The following GLYR1 variants were observed in gnomAD, a reference collection of about 807,000 sequenced individuals.
The protein encoded by GLYR1 is cytokine-like nuclear factor N-PAC.
Under a neutral mutation model 72.7 loss-of-function variants are expected in GLYR1, and 21 were observed. The observed-to-expected ratio is 0.29, with a 90% CI of 0.20 to 0.42. The LOEUF is 0.42. Among genes scored for constraint, GLYR1 ranks in the 10% least tolerant of loss-of-function variants. The pLI is 1.00. For synonymous variants in GLYR1, 392 were observed against 270.2 expected (o/e 1.45, Z -4.42); for missense variants, 594 against 712.1 (o/e 0.83, Z 1.89).
chr16:4,818,918 G>A (rs2083824991), intron 9 of GLYR1, among the ~76,000 whole-genome samples: 1 of 152,024 alleles, frequency 6.6e-6, no homozygotes, highest in Non-Finnish European at 1.5e-5. Flanking sequence ...TGTGACAGAA[G>A]CACTCATTGG....
chr16:4,821,310 C>A (rs2084009181), intron 9 of GLYR1, 70 bp downstream of exon 9: 1 of 1,514,430 alleles, frequency 6.6e-7, no homozygotes, highest in Non-Finnish European at 9.2e-7. Flanking sequence ...AAAGAACCCC[C>A]CTGGGGTCAC....
chr16:4,833,677 G>C (rs62036116), intron 3 of GLYR1, among the ~76,000 whole-genome samples: 5,585 of 151,936 alleles, frequency 0.037, 145 homozygotes, highest in Middle Eastern at 0.075. Flanking sequence ...AGATGCTTGA[G>C]ATTAAAGGTA....
intron 5 of GLYR1, among the ~76,000 whole-genome samples, chr16:4,831,379 T>C (rs763508204): frequency 3.3e-5 from 5 of 152,134 alleles, no homozygotes; most frequent in Admixed American, 6.5e-5. Flanking sequence ...TCCAAGACGC[T>C]TTAGTACCAC....
chr16:4,805,477 G>C (rs1185125576), intron 15 of GLYR1, among the ~76,000 whole-genome samples, 167 bp from the exon 16 acceptor site: 3 of 152,196 alleles, frequency 2.0e-5, no homozygotes, highest in Non-Finnish European at 2.9e-5. Context: ...CGTTTCTCTG[G>C]ACCTCAGCCA....
At chr16:4,840,699 G>C (rs947153887) in intron 3 of GLYR1, among the ~76,000 whole-genome samples, 1 of 152,178 alleles carries the variant, frequency 6.6e-6, no homozygotes, top group Non-Finnish European at 1.5e-5. Context: ...GAGGTAGGGG[G>C]TATCATCCCC....
chr16:4,831,309 T>G (rs902839129), intron 5 of GLYR1, among the ~76,000 whole-genome samples: 7 of 152,200 alleles, frequency 4.6e-5, no homozygotes, highest in African/African-American at 1.7e-4. Context: ...TGACTACTGG[T>G]GCACACACGG....
intron 3 of GLYR1, among the ~76,000 whole-genome samples, chr16:4,844,133 AAT>A (rs1180905577): frequency 6.6e-6 from 1 of 151,542 alleles, no homozygotes; most frequent in African/African-American, 2.4e-5. Context: ...AAAAAAAAAA[AAT>A]CAAACCATCT....
Position 4,803,634 on chromosome 16 carries a change from C to T in GLYR1, c.*1602G>A, listed in dbSNP as rs529553894. On this transcript the variant is annotated 3_prime_UTR_variant, in exon 16 of 16. Coordinates refer to ENST00000321919, the MANE Select transcript of GLYR1 (RefSeq NM_032569.4). Reference sequence around the variant, plus strand: ...CAGGCTTTGTGTTCAGACAGAAATGCTTCAAAATCCCAGTGAAATGAACTG... The same window carrying T: ...CAGGCTTTGTGTTCAGACAGAAATGTTTCAAAATCCCAGTGAAATGAACTG... 6.7e-6 allele frequency: 1 copy of T among 149,910 alleles called. No individual in the cohort carries two copies. The highest frequency in any genetic ancestry group is 2.1e-4 in the South Asian group (1 of 4,724). 9.3% of individuals were successfully genotyped at this position (149,910 alleles called of 1,614,324 possible). A position where few individuals can be genotyped will look rare whatever the true frequency, so the allele number is the denominator to read the frequency against.
chr16:4,828,402 T>TTG (rs1286305994), intron 5 of GLYR1, among the ~76,000 whole-genome samples: 1 of 152,124 alleles, frequency 6.6e-6, no homozygotes, highest in East Asian at 1.9e-4. Context: ...CATATTGCTA[T>TTG]TGTACCACTT....
chr16:4,821,059 C>T (rs929635941), intron 9 of GLYR1: 10 of 431,340 alleles, frequency 2.3e-5, no homozygotes, highest in Non-Finnish European at 3.8e-5. Flanking sequence ...GGGCCCCACC[C>T]GGACATATTG....
At chr16:4,808,703 A>G (rs1157102476) in intron 15 of GLYR1, among the ~76,000 whole-genome samples, 2 of 151,972 alleles carry the variant, frequency 1.3e-5, no homozygotes, top group African/African-American at 2.4e-5. Context: ...TTTTATTATA[A>G]TAATATGGTA....
At chr16:4,825,417 A>T (rs1596352280) in intron 5 of GLYR1, among the ~76,000 whole-genome samples, 2 of 152,130 alleles carry the variant, frequency 1.3e-5, no homozygotes, top group East Asian at 3.9e-4. Context: ...CGTTCTTCTG[A>T]CAGTTATCTC....
rs1229444331 is a variant in GLYR1 at position 4,803,263 on chromosome 16, G to A, written c.*1973C>T. ...AGCTTTGTTAATTGCACAAAATCAT[G>A]TTTTGTTTTTGCCATTTAAACATTA... is the stretch of plus-strand genomic sequence containing the variant. On this transcript the variant is annotated 3_prime_UTR_variant, in exon 16 of 16. Transcript: ENST00000321919. 6.6e-6 allele frequency: 1 copy of A among 152,636 alleles called. No homozygotes were observed. The highest frequency in any genetic ancestry group is 1.5e-5 in the Non-Finnish European group (1 of 68,042). 9.5% of individuals were successfully genotyped at this position (152,636 alleles called of 1,614,324 possible).
intron 3 of GLYR1, among the ~76,000 whole-genome samples, chr16:4,841,920 T>G (rs2085583128): frequency 6.6e-6 from 1 of 152,144 alleles, no homozygotes; most frequent in African/African-American, 2.4e-5. Flanking sequence ...TCCATCCAGA[T>G]TCTATGTATC....
chr16:4,831,740 G>A (rs1454640212), intron 5 of GLYR1, among the ~76,000 whole-genome samples: 6 of 152,100 alleles, frequency 3.9e-5, no homozygotes, highest in Admixed American at 6.6e-5. Context: ...TGGTGCAATC[G>A]GCTCAATGCA....
chr16:4,812,344 T>C (rs1024342145), intron 12 of GLYR1, 96 bp from the exon 13 acceptor site: 6 of 1,350,800 alleles, frequency 4.4e-6, no homozygotes, highest in East Asian at 2.5e-5. Context: ...CGGCTGCTCA[T>C]CACCTTCCAG....
At chr16:4,830,950 A>G (rs2084758561) in intron 5 of GLYR1, among the ~76,000 whole-genome samples, 1 of 151,996 alleles carries the variant, frequency 6.6e-6, no homozygotes, top group Non-Finnish European at 1.5e-5. Context: ...TTCACCTCCC[A>G]AATCTACATT....
chr16:4,833,686 TAGA>T (rs2142019502), intron 3 of GLYR1, among the ~76,000 whole-genome samples: 1 of 150,830 alleles, frequency 6.6e-6, no homozygotes, highest in African/African-American at 2.4e-5. Context: ...AGATTAAAGG[TAGA>T]AGAACATACA....
At position 4,811,756 on chromosome 16, in the gene GLYR1, G is replaced by A; in HGVS notation, c.1329C>T (p.Val443=). 1 of 1,614,064 alleles carries A rather than the reference G, an allele frequency of 6.2e-7. No individual in the cohort carries two copies. Among genetic ancestry groups the A allele is most frequent in the Non-Finnish European group, 8.5e-7 (1 of 1,179,976 alleles). Residue 443 remains valine (V), a synonymous_variant, in exon 14 of 16, where the codon GTC becomes GTT. Transcript: ENST00000321919. The part of the protein sequence containing the change: ...AAKMMLIVNM[V]QGSFMATIAE... ...CAATAGTGGCCATGAAGCTCCCTTG[G>A]ACCATGTTCACGATCAGCATCATCT...
Sources: allele counts gnomAD v4.1 joint callset (sites outside exome capture counted in the v4.1 genomes callset), GRCh38; gene constraint gnomAD v4.1.1; transcripts MANE v1.5; gene names NCBI Gene and HGNC (gene_info 2026-07-23, HGNC 2026-07-21).